CACNA1C: variants seen among roughly 807,000 people sequenced by gnomAD.
CACNA1C encodes the protein voltage-dependent L-type calcium channel subunit alpha-1C.
Under a neutral mutation model 229.0 loss-of-function variants are expected in CACNA1C, and 30 were observed. That is an observed-to-expected ratio of 0.13 (90% CI 0.10 to 0.18). The LOEUF (loss-of-function observed/expected upper bound fraction) is 0.18. CACNA1C is among the 10% of genes least tolerant of loss of function. CACNA1C has a pLI of 1.00. For missense variants in CACNA1C, 1,658 were observed against 2,845.0 expected (o/e 0.58, Z 9.49); for synonymous variants, 1,114 against 1,132.5 (o/e 0.98, Z 0.33).
chr12:2,354,558 C>T lies in CACNA1C; in HGVS notation c.478-94418C>T, dbSNP rs535634406. 8.5e-5 allele frequency among the ~76,000 whole-genome samples: 13 copies of T among 152,274 alleles called. No homozygotes were observed. Among genetic ancestry groups the T allele is most frequent in the South Asian group, 2.1e-4 (1 of 4,824 alleles). ...ACCCAAGAGAGGGAAAATGCCTTTC[C>T]GCATGCATGCTCTCCTAGCTATGCT... On this transcript the variant is annotated intron_variant, in intron 3 of 46. Coordinates refer to ENST00000399655, the MANE Select transcript of CACNA1C (RefSeq NM_000719.7). The surrounding 1 kb of genome is among the most constrained non-coding windows in gnomAD (Gnocchi z 4.6).
intron 3 of CACNA1C, among the ~76,000 whole-genome samples, chr12:2,438,209 G>GTGA (rs1189916596): frequency 6.0e-5 from 9 of 150,344 alleles, no homozygotes; most frequent in African/African-American, 2.2e-4. Context: ...GATGGTGATG[G>GTGA]TGGTGGTGGT....
intron 5 of CACNA1C, among the ~76,000 whole-genome samples, chr12:2,485,744 T>A (rs1365757048): frequency 6.6e-6 from 1 of 152,188 alleles, no homozygotes; most frequent in Non-Finnish European, 1.5e-5. Context: ...TGAGTCCACA[T>A]GAGCTCTCAC....
chr12:2,601,318 T>G lies in CACNA1C; in HGVS notation c.2854-536T>G, dbSNP rs74053876. 0.032 allele frequency among the ~76,000 whole-genome samples: 4,858 copies of G among 152,258 alleles called. 275 individuals carry two copies. The highest frequency in any genetic ancestry group is 0.11 in the African/African-American group (4,597 of 41,524). ...CCTAAGACTGAGGAGTTTTCTGGGA[T>G]GCAGGATTTCTGATGATAAAGCAAA... is the stretch of plus-strand genomic sequence containing the variant. On this transcript the variant is annotated intron_variant, in intron 21 of 46. Coordinates refer to ENST00000399655, the MANE Select transcript of CACNA1C (RefSeq NM_000719.7). The surrounding 1 kb of genome is among the most constrained non-coding windows in gnomAD (Gnocchi z 5.9).
intron 9 of CACNA1C, among the ~76,000 whole-genome samples, chr12:2,530,700 T>C (rs1231443210): frequency 1.3e-5 from 2 of 152,168 alleles, no homozygotes; most frequent in Non-Finnish European, 2.9e-5. Context: ...TTTCCAGCGG[T>C]GCTTCAGTTT....
intron 3 of CACNA1C, among the ~76,000 whole-genome samples, chr12:2,252,515 C>G (rs572983333): frequency 2.0e-5 from 3 of 152,224 alleles, no homozygotes; most frequent in African/African-American, 7.2e-5. Flanking sequence ...TAAGAAGCCC[C>G]GGAGCAGGCT....
At chr12:2,237,972 T>G (rs191698298) in intron 3 of CACNA1C, among the ~76,000 whole-genome samples, 11 of 152,342 alleles carry the variant, frequency 7.2e-5, no homozygotes, top group Non-Finnish European at 1.3e-4. Context: ...GGTTTTAGTA[T>G]TGAAGACCTA....
At chr12:2,458,008 G>A (rs1383266024) in intron 5 of CACNA1C, among the ~76,000 whole-genome samples, 1 of 152,206 alleles carries the variant, frequency 6.6e-6, no homozygotes, top group East Asian at 1.9e-4. Flanking sequence ...CTGGGATGGG[G>A]ATTTAAATAC....
intron 1 of CACNA1C, among the ~76,000 whole-genome samples, chr12:2,102,633 G>A (rs2076844482): frequency 6.6e-6 from 1 of 152,092 alleles, no homozygotes; most frequent in South Asian, 2.1e-4. Context: ...TGTGCAGAAT[G>A]TGCTTGTTTG....
intron 3 of CACNA1C, among the ~76,000 whole-genome samples, chr12:2,397,419 C>G (rs1027263853): frequency 2.0e-5 from 3 of 152,214 alleles, no homozygotes; most frequent in African/African-American, 7.2e-5. Flanking sequence ...CACTCCAGGG[C>G]AATTATTCAG....
intron 3 of CACNA1C, among the ~76,000 whole-genome samples, chr12:2,277,362 GACACAC>G (rs59258094): frequency 0.061 from 4,285 of 70,620 alleles, 95 homozygotes; most frequent in East Asian, 0.089. Context: ...CAGACAGACA[GACACAC>G]ACACACACAC....
intron 1 of CACNA1C, among the ~76,000 whole-genome samples, chr12:2,109,749 A>T (rs2080889534): frequency 6.6e-6 from 1 of 152,190 alleles, no homozygotes; most frequent in Non-Finnish European, 1.5e-5. Flanking sequence ...CTACTGCAGC[A>T]CTTGTGGGCA....
chr12:2,397,653 A>G lies in CACNA1C; in HGVS notation c.478-51323A>G, dbSNP rs190555617. ...CACAAAACAGAGGCCCAATACACTC[A>G]ATGCTGGCAGATGATAGACACAGTG... On this transcript the variant is annotated intron_variant, in intron 3 of 46. Transcript: ENST00000399655. Among the ~76,000 whole-genome samples the G allele has an allele frequency of 6.6e-5, 10 of 152,332 alleles. No individual in the cohort carries two copies. In the East Asian group the frequency reaches 1.9e-3, roughly 29 times the overall value.
At chr12:2,253,897 A>AGAGAGTTTC (rs2076473953) in intron 3 of CACNA1C, among the ~76,000 whole-genome samples, 4 of 152,156 alleles carry the variant, frequency 2.6e-5, no homozygotes, top group African/African-American at 9.7e-5. Flanking sequence ...GATTTATGGG[A>AGAGAGTTTC]TCACTGGAGA....
At chr12:2,501,228 A>AAAAAAAAAAAAAAAAAC (rs2099759344) in intron 7 of CACNA1C, among the ~76,000 whole-genome samples, 1 of 150,834 alleles carries the variant, frequency 6.6e-6, no homozygotes, top group Non-Finnish European at 1.5e-5. Context: ...AAAAAAAAAA[A>AAAAAAAAAAAAAAAAAC]AAAAAAGTAA....
intron 3 of CACNA1C, among the ~76,000 whole-genome samples, chr12:2,383,541 G>T (rs974339778): frequency 6.6e-6 from 1 of 152,184 alleles, no homozygotes; most frequent in African/African-American, 2.4e-5. Flanking sequence ...TGAATTCCCA[G>T]ACAGAGGAGG....
At chr12:2,101,064 C>T (rs1398974215) in intron 1 of CACNA1C, among the ~76,000 whole-genome samples, 2 of 150,600 alleles carry the variant, frequency 1.3e-5, no homozygotes, top group African/African-American at 4.9e-5. Context: ...CTTTTGTGGA[C>T]CCTGTTTTTG....
intron 44 of CACNA1C, 79 bp downstream of exon 44, chr12:2,685,921 G>C (rs533854529): frequency 9.3e-7 from 1 of 1,078,802 alleles, no homozygotes; most frequent in East Asian, 2.5e-5. Flanking sequence ...TTGGGAAATC[G>C]TTGTGGCCTG....
chr12:2,313,590 C>A (rs1004648698), intron 3 of CACNA1C, among the ~76,000 whole-genome samples: 2 of 152,122 alleles, frequency 1.3e-5, no homozygotes, highest in Admixed American at 1.3e-4. Flanking sequence ...ATTTGGTTTC[C>A]TTGGTTCATT....
intron 1 of CACNA1C, among the ~76,000 whole-genome samples, chr12:1,983,231 T>C (rs190582343): frequency 1.3e-5 from 2 of 151,990 alleles, no homozygotes; most frequent in African/African-American, 2.4e-5. Flanking sequence ...AACAGTTTTT[T>C]TGTTTTTTAT....
Sources: gnomAD v4.1 joint callset for allele counts (sites outside exome capture counted in the v4.1 genomes callset) on GRCh38, gnomAD v4.1.1 for gene constraint, Gnocchi (gnomAD v3.1) non-coding constraint, MANE v1.5 for transcripts, NCBI Gene and HGNC (gene_info 2026-07-23, HGNC 2026-07-21) for gene names.